The following CSGALNACT1 variants were observed in gnomAD, a reference collection of about 807,000 sequenced individuals.
CSGALNACT1 encodes the protein chondroitin sulfate N-acetylgalactosaminyltransferase 1, also known as beta4GalNAcT-1.
Under a neutral mutation model 51.0 loss-of-function variants are expected in CSGALNACT1, and 52 were observed. That is an observed-to-expected ratio of 1.02 (90% CI 0.82 to 1.29). The LOEUF is 1.29. Among genes scored for constraint, CSGALNACT1 ranks in the 50% most tolerant of loss-of-function variants. CSGALNACT1 has a pLI of 0.00. For synonymous variants in CSGALNACT1, 341 were observed against 254.4 expected (o/e 1.34, Z -3.24); for missense variants, 935 against 679.2 (o/e 1.38, Z -4.19).
chr8:19,540,950 C>G (rs558632922), intron 3 of CSGALNACT1, among the ~76,000 whole-genome samples: 3 of 152,232 alleles, frequency 2.0e-5, no homozygotes, highest in Non-Finnish European at 4.4e-5. Context: ...TCTCAACACT[C>G]TCCAAGCCCC....
intron 3 of CSGALNACT1, among the ~76,000 whole-genome samples, chr8:19,547,522 G>T (rs573646304): frequency 3.3e-5 from 5 of 151,994 alleles, no homozygotes; most frequent in Non-Finnish European, 7.4e-5. Context: ...TTCCCCCTTC[G>T]CTTGGCTCTC....
At chr8:19,443,353 C>T (rs905295551) in intron 5 of CSGALNACT1, among the ~76,000 whole-genome samples, 7 of 152,106 alleles carry the variant, frequency 4.6e-5, no homozygotes, top group African/African-American at 1.7e-4. Flanking sequence ...CACATATATG[C>T]ATATATTATG....
At chr8:19,667,036 GAAGGAAGAAAGAAAGAAAGA>G (rs2059407690) in intron 1 of CSGALNACT1, among the ~76,000 whole-genome samples, 4 of 28,460 alleles carry the variant, frequency 1.4e-4, no homozygotes, top group Non-Finnish European at 2.6e-4. Context: ...AGGAAGGAAG[GAAGGAAGAAAGAAAGAAAGA>G]AAGAAAGAAA....
intron 1 of CSGALNACT1, among the ~76,000 whole-genome samples, chr8:19,715,687 TG>T (rs1387534435): frequency 6.6e-6 from 1 of 152,184 alleles, no homozygotes; most frequent in Non-Finnish European, 1.5e-5. Flanking sequence ...AGAATAAAGA[TG>T]GGGGTAAATA....
At chr8:19,534,709 ACT>A (rs1303457128) in intron 3 of CSGALNACT1, among the ~76,000 whole-genome samples, 2 of 152,018 alleles carry the variant, frequency 1.3e-5, no homozygotes, top group Non-Finnish European at 2.9e-5. Context: ...AGTGACCTAA[ACT>A]CTCTCACACA....
intron 3 of CSGALNACT1, among the ~76,000 whole-genome samples, chr8:19,578,410 G>A (rs905958347): frequency 1.3e-5 from 2 of 152,158 alleles, no homozygotes; most frequent in African/African-American, 4.8e-5. Context: ...CTGCCTGGAG[G>A]AAGAAGACAT....
At chr8:19,571,472 AC>A (rs1298130068) in intron 3 of CSGALNACT1, among the ~76,000 whole-genome samples, 4 of 147,834 alleles carry the variant, frequency 2.7e-5, no homozygotes, top group Non-Finnish European at 4.4e-5. Context: ...AAAAACAAAA[AC>A]AAAAAAAAAA....
intron 1 of CSGALNACT1, among the ~76,000 whole-genome samples, chr8:19,745,315 C>T (rs189239315): frequency 5.3e-5 from 8 of 152,328 alleles, no homozygotes; most frequent in Non-Finnish European, 1.0e-4. Flanking sequence ...ATATCCACAT[C>T]TTATCTCTCT....
At chr8:19,541,645 C>G (rs1039042394) in intron 3 of CSGALNACT1, among the ~76,000 whole-genome samples, 1 of 145,852 alleles carries the variant, frequency 6.9e-6, no homozygotes, top group Non-Finnish European at 1.5e-5. Context: ...GGTGATGCAC[C>G]CTGTGTTGGC....
At chr8:19,529,381 A>G (rs746572295) in intron 3 of CSGALNACT1, among the ~76,000 whole-genome samples, 1 of 152,140 alleles carries the variant, frequency 6.6e-6, no homozygotes, top group East Asian at 1.9e-4. Context: ...GGCCTTGACC[A>G]CTACTGGGCA....
At chr8:19,555,196 G>A (rs536327936) in intron 3 of CSGALNACT1, among the ~76,000 whole-genome samples, 11 of 151,776 alleles carry the variant, frequency 7.2e-5, no homozygotes, top group African/African-American at 2.4e-4. Context: ...CCGAGATCGC[G>A]CCATTGCACT....
upstream of CSGALNACT1, among the ~76,000 whole-genome samples, chr8:19,603,438 G>T (rs367610304): frequency 1.1e-4 from 16 of 152,274 alleles, no homozygotes; most frequent in Non-Finnish European, 2.2e-4. Context: ...CCTCTACTGC[G>T]GTGCCTGCGC....
intron 1 of CSGALNACT1, among the ~76,000 whole-genome samples, chr8:19,696,737 T>A (rs28680503): frequency 1.3e-4 from 19 of 151,950 alleles, no homozygotes; most frequent in Admixed American, 9.8e-4. Context: ...GTTGCAAGGC[T>A]TCAGCACACA....
At chr8:19,405,754 G>A (rs1408708638) in exon 10 of CSGALNACT1, 1 of 1,613,680 alleles carries the variant, frequency 6.2e-7, no homozygotes. Flanking sequence ...AAGAAAAAGT[G>A]TCTCCCACAA....
intron 5 of CSGALNACT1, among the ~76,000 whole-genome samples, chr8:19,453,974 T>C (rs554549162): frequency 4.7e-4 from 72 of 152,156 alleles, no homozygotes; most frequent in African/African-American, 1.7e-3. Context: ...ATGAGACATA[T>C]CCTGATTAAG....
At chr8:19,727,834 C>T (rs1280061564) in intron 1 of CSGALNACT1, among the ~76,000 whole-genome samples, 1 of 152,164 alleles carries the variant, frequency 6.6e-6, no homozygotes, top group Non-Finnish European at 1.5e-5. Flanking sequence ...TAGCAAAAGT[C>T]CTGCCTCTGC....
At chr8:19,618,364 G>C (rs1484722878) in intron 1 of CSGALNACT1, among the ~76,000 whole-genome samples, 1 of 151,878 alleles carries the variant, frequency 6.6e-6, no homozygotes, top group Non-Finnish European at 1.5e-5. Flanking sequence ...TAATTGGCAG[G>C]GCCCAGTGGC....
intron 1 of CSGALNACT1, among the ~76,000 whole-genome samples, chr8:19,726,771 C>A (rs2063424717): frequency 6.6e-6 from 1 of 152,174 alleles, no homozygotes; most frequent in Admixed American, 6.5e-5. Flanking sequence ...GAAATTTCCT[C>A]TGGATAGCAA....
At chr8:19,715,150 A>T (rs1324516296) in intron 1 of CSGALNACT1, among the ~76,000 whole-genome samples, 1 of 152,174 alleles carries the variant, frequency 6.6e-6, no homozygotes, top group Admixed American at 6.5e-5. Flanking sequence ...GAAGATGCAA[A>T]AGTGGAAACC....
Sources: allele counts gnomAD v4.1 joint callset (sites outside exome capture counted in the v4.1 genomes callset), GRCh38; gene constraint gnomAD v4.1.1; transcripts MANE v1.5; gene names NCBI Gene and HGNC (gene_info 2026-07-23, HGNC 2026-07-21).